The following RIMS2 variants were observed in gnomAD, a reference collection of about 807,000 sequenced individuals.
RIMS2 encodes the protein regulating synaptic membrane exocytosis protein 2.
Under a neutral mutation model 174.4 loss-of-function variants are expected in RIMS2, and 59 were observed. The observed-to-expected ratio is 0.34, with a 90% CI of 0.27 to 0.42. RIMS2 has a LOEUF of 0.42. RIMS2 is among the 10% of genes least tolerant of loss of function. The pLI, the probability that RIMS2 is intolerant of heterozygous loss-of-function variation, is 1.00. For missense variants in RIMS2, 1,620 were observed against 1,666.3 expected, an observed-to-expected ratio of 0.97 and a Z score of 0.48; for synonymous variants, 606 against 572.5, an observed-to-expected ratio of 1.06 and a Z score of -0.84.
intron 19 of RIMS2, among the ~76,000 whole-genome samples, chr8:104,165,308 A>G (rs953713345): frequency 3.3e-5 from 5 of 152,204 alleles, no homozygotes; most frequent in African/African-American, 1.2e-4. Flanking sequence ...TCCAATCTCA[A>G]TCACAATAAA....
intron 17 of RIMS2, among the ~76,000 whole-genome samples, chr8:103,996,306 T>C (rs2095093935): frequency 6.6e-6 from 1 of 151,566 alleles, no homozygotes; most frequent in African/African-American, 2.4e-5. Flanking sequence ...AAAAAAAAAA[T>C]AGAGTTTGAA....
intron 1 of RIMS2, among the ~76,000 whole-genome samples, chr8:103,690,195 C>T (rs544601645): frequency 6.6e-6 from 1 of 152,224 alleles, no homozygotes; most frequent in African/African-American, 2.4e-5. Context: ...AACTCCTGAC[C>T]TCAAGTGGTC....
chr8:104,042,690 G>A (rs1309592123), intron 19 of RIMS2, among the ~76,000 whole-genome samples: 1 of 151,588 alleles, frequency 6.6e-6, no homozygotes, highest in Non-Finnish European at 1.5e-5. Context: ...ACAAGTTTCA[G>A]GGGAAAGATA....
chr8:103,849,512 A>G (rs1299886017), intron 3 of RIMS2, among the ~76,000 whole-genome samples: 2 of 151,914 alleles, frequency 1.3e-5, no homozygotes, highest in Non-Finnish European at 2.9e-5. Flanking sequence ...TGTGTTTTGG[A>G]GAGTTGTTTT....
chr8:104,074,554 T>C (rs1268661019), intron 19 of RIMS2, among the ~76,000 whole-genome samples: 2 of 152,178 alleles, frequency 1.3e-5, no homozygotes, highest in African/African-American at 4.8e-5. Flanking sequence ...AAAATGATTT[T>C]ATTGATTTTA....
intron 17 of RIMS2, among the ~76,000 whole-genome samples, chr8:104,000,957 G>A (rs2095359828): frequency 6.6e-6 from 1 of 151,708 alleles, no homozygotes; most frequent in Admixed American, 6.6e-5. Flanking sequence ...TATATATTCT[G>A]TTTATTAATC....
At chr8:103,568,588 C>T (rs2092564961) in intron 1 of RIMS2, 2 of 524,982 alleles carry the variant, frequency 3.8e-6, no homozygotes, top group African/African-American at 1.9e-5. Context: ...TACTTCTTGT[C>T]TTCAGCTGTA....
intron 17 of RIMS2, among the ~76,000 whole-genome samples, chr8:103,992,919 C>T (rs1596563836): frequency 6.6e-6 from 1 of 151,430 alleles, no homozygotes; most frequent in East Asian, 1.9e-4. Context: ...CATAATTTTT[C>T]CTGAGGCAGA....
intron 19 of RIMS2, among the ~76,000 whole-genome samples, chr8:104,037,814 T>C (rs1342888680): frequency 1.3e-5 from 2 of 152,154 alleles, no homozygotes; most frequent in African/African-American, 2.4e-5. Context: ...TATATGTAGA[T>C]ATGTAGATAT....
chr8:103,556,147 A>G (rs937648573), intron 1 of RIMS2, among the ~76,000 whole-genome samples: 1 of 152,212 alleles, frequency 6.6e-6, no homozygotes, highest in Non-Finnish European at 1.5e-5. Context: ...ACTATAGTTA[A>G]TAACAGCATA....
intron 1 of RIMS2, among the ~76,000 whole-genome samples, chr8:103,571,850 C>A (rs1049385103): frequency 5.3e-4 from 80 of 152,168 alleles, no homozygotes; most frequent in Non-Finnish European, 3.1e-4. Flanking sequence ...TTTCTTCTGT[C>A]TGTTCTGCAA....
Position 103,927,945 on chromosome 8 carries a change from G to A in RIMS2, c.2244+56G>A, listed in dbSNP as rs1026080822. The A allele has an allele frequency of 6.1e-6, 9 of 1,477,424 alleles. No homozygotes were observed. In the Admixed American group the frequency reaches 1.1e-4, roughly 18 times the overall value. 91.5% of individuals were successfully genotyped at this position (1,477,424 alleles called of 1,614,324 possible). The stretch of plus-strand genomic sequence containing the variant: ...AAGTTGTGTTTAACCCTATTTGTAT[G>A]TTTTTGGAAAATGCGTTAGTAGGAA... On this transcript the variant is annotated intron_variant, in intron 11 of 23. Transcript: ENST00000504942.
intron 4 of RIMS2, among the ~76,000 whole-genome samples, chr8:103,893,399 G>T (rs1219622395): frequency 6.6e-6 from 1 of 152,064 alleles, no homozygotes; most frequent in African/African-American, 2.4e-5. Context: ...CAGTTTAGCA[G>T]CAAAACAACT....
At chr8:104,114,677 C>T (rs951658180) in intron 19 of RIMS2, among the ~76,000 whole-genome samples, 3 of 151,652 alleles carry the variant, frequency 2.0e-5, no homozygotes, top group Non-Finnish European at 4.4e-5. Flanking sequence ...ACATCACTGA[C>T]TTTGAAAAAT....
chr8:103,664,074 C>G (rs769209634), intron 1 of RIMS2, among the ~76,000 whole-genome samples: 1 of 152,116 alleles, frequency 6.6e-6, no homozygotes, highest in Non-Finnish European at 1.5e-5. Flanking sequence ...ACTGGCTAGC[C>G]ATATGTAGAA....
intron 3 of RIMS2, among the ~76,000 whole-genome samples, chr8:103,793,057 A>C (rs1564656051): frequency 1.3e-5 from 2 of 152,210 alleles, no homozygotes; most frequent in South Asian, 2.1e-4. Context: ...ATAGAAAAAG[A>C]GGGAATCCTC....
intron 2 of RIMS2, among the ~76,000 whole-genome samples, chr8:103,709,159 T>G (rs1366050391): frequency 6.6e-6 from 1 of 152,132 alleles, no homozygotes; most frequent in East Asian, 1.9e-4. Flanking sequence ...ATAATCACAG[T>G]CATTGTAGTT....
intron 1 of RIMS2, among the ~76,000 whole-genome samples, chr8:103,537,717 A>G (rs997559598): frequency 6.6e-6 from 1 of 152,182 alleles, no homozygotes; most frequent in Admixed American, 6.5e-5. Context: ...ATGGTTTTTA[A>G]TAATGTAGTA....
chr8:103,643,387 T>G (rs1035656867), intron 1 of RIMS2, among the ~76,000 whole-genome samples: 2 of 152,116 alleles, frequency 1.3e-5, no homozygotes, highest in Non-Finnish European at 2.9e-5. Flanking sequence ...AATTCCAAAT[T>G]TTCTGCCATA....
Sources: allele counts gnomAD v4.1 joint callset (sites outside exome capture counted in the v4.1 genomes callset), GRCh38; gene constraint gnomAD v4.1.1; transcripts MANE v1.5; gene names NCBI Gene and HGNC (gene_info 2026-07-23, HGNC 2026-07-21).